CLVS1: variants seen among roughly 807,000 people sequenced by gnomAD.
CLVS1 encodes the protein clavesin-1.
In CLVS1, 10 loss-of-function variants were observed where a neutral mutation model predicts 33.1. The ratio of observed to expected loss-of-function variants is 0.30; its 90% CI spans 0.19 to 0.51. The LOEUF (loss-of-function observed/expected upper bound fraction) is 0.51, where lower values mean the gene tolerates loss of function less well. Among genes scored for constraint, CLVS1 ranks in the 20% least tolerant of loss-of-function variants. CLVS1 has a pLI of 0.97. For synonymous variants in CLVS1, 163 were observed against 166.1 expected (o/e 0.98, Z 0.14); for missense variants, 343 against 433.4 (o/e 0.79, Z 1.85).
At chr8:61,266,293 CTTTTTT>C in intron 2 of CLVS1, among the ~76,000 whole-genome samples, 1 of 139,104 alleles carries the variant, frequency 7.2e-6, no homozygotes, top group East Asian at 2.1e-4. Flanking sequence ...AATTTTCTTT[CTTTTTT>C]TTTTTTTTTT....
At chr8:61,122,095 C>A (rs996664144) in intron 1 of CLVS1, among the ~76,000 whole-genome samples, 2 of 152,202 alleles carry the variant, frequency 1.3e-5, no homozygotes, top group Non-Finnish European at 2.9e-5. Flanking sequence ...GGATCTAAAG[C>A]CACTTTCTTC....
chr8:61,058,878 A>G (rs532987622), intron 1 of CLVS1, among the ~76,000 whole-genome samples: 17 of 152,186 alleles, frequency 1.1e-4, no homozygotes, highest in Admixed American at 3.3e-4. Context: ...TCAAAAGTTC[A>G]TTCCTTTTAA....
chr8:61,020,793 G>T, the CLVS1 span, among the ~76,000 whole-genome samples: 1 of 152,228 alleles, frequency 6.6e-6, no homozygotes, highest in Non-Finnish European at 1.5e-5. Context: ...TGCAATGGAT[G>T]AATGAATTTA....
chr8:61,338,893 G>A (rs1028740479), intron 2 of CLVS1, among the ~76,000 whole-genome samples: 5 of 152,240 alleles, frequency 3.3e-5, no homozygotes, highest in Middle Eastern at 3.4e-3. Flanking sequence ...CAGTGGCAAC[G>A]CATGGACTAA....
chr8:61,405,848 T>C (rs763441808), intron 3 of CLVS1, among the ~76,000 whole-genome samples: 20 of 152,108 alleles, frequency 1.3e-4, no homozygotes, highest in African/African-American at 4.3e-4. Context: ...AATATCATTA[T>C]GAAGATAGTT....
chr8:61,371,177 C>A (rs560809677), intron 2 of CLVS1, among the ~76,000 whole-genome samples: 2 of 152,246 alleles, frequency 1.3e-5, no homozygotes, highest in Admixed American at 6.5e-5. Context: ...TTGATTATGG[C>A]CATTCTTGCA....
the CLVS1 span, among the ~76,000 whole-genome samples, chr8:60,981,188 A>T: frequency 6.6e-6 from 1 of 152,234 alleles, no homozygotes; most frequent in South Asian, 2.1e-4. Context: ...GGAACAAAAA[A>T]CTTAGGTCCC....
intron 2 of CLVS1, among the ~76,000 whole-genome samples, chr8:61,241,353 A>G (rs930863159): frequency 6.6e-6 from 1 of 152,168 alleles, no homozygotes; most frequent in Non-Finnish European, 1.5e-5. Context: ...CAAATTTTCA[A>G]CCATCCTTGC....
intron 3 of CLVS1, among the ~76,000 whole-genome samples, chr8:61,441,737 A>G (rs1816555621): frequency 6.6e-6 from 1 of 152,132 alleles, no homozygotes; most frequent in East Asian, 1.9e-4. Flanking sequence ...TTGCTCCTGA[A>G]CTCTGATTGA....
intron 2 of CLVS1, among the ~76,000 whole-genome samples, chr8:61,211,773 T>C (rs1242050960): frequency 6.6e-6 from 1 of 152,186 alleles, no homozygotes; most frequent in Non-Finnish European, 1.5e-5. Flanking sequence ...AGGGAGGTTA[T>C]CCTAGAATAC....
intron 2 of CLVS1, among the ~76,000 whole-genome samples, chr8:61,249,818 C>G (rs557265750): frequency 1.1e-4 from 17 of 152,212 alleles, no homozygotes; most frequent in Non-Finnish European, 2.2e-4. Flanking sequence ...GATATTAACC[C>G]TTTGTCAGAT....
intron 2 of CLVS1, among the ~76,000 whole-genome samples, chr8:61,340,883 G>A (rs1449738259): frequency 6.6e-6 from 1 of 152,086 alleles, no homozygotes; most frequent in Non-Finnish European, 1.5e-5. Context: ...CTTTTTAATT[G>A]GTTCAATAAT....
chr8:61,244,379 G>A (rs1037390926), intron 2 of CLVS1, among the ~76,000 whole-genome samples: 1 of 152,092 alleles, frequency 6.6e-6, no homozygotes, highest in Non-Finnish European at 1.5e-5. Context: ...TTAGAAAGTT[G>A]TCTTGTTTTA....
chr8:61,418,392 AC>A (rs1285548948), intron 3 of CLVS1, among the ~76,000 whole-genome samples: 3 of 151,964 alleles, frequency 2.0e-5, no homozygotes, highest in Non-Finnish European at 4.4e-5. Context: ...TGCTTTTTTT[AC>A]CTAATGAATC....
In CLVS1 at chr8:61,269,858, G is replaced by C. The variant is rs1391195735; in HGVS notation, c.-151-29819G>C. On this transcript the variant is annotated intron_variant, in intron 2 of 2. Coordinates refer to the CLVS1 transcript ENST00000522621. ...AGAATGCTTGTGATTTTTGTACATT[G>C]ATTTTGTATCCTGAGACTTTGCTGA... Among the ~76,000 whole-genome samples the C allele has an allele frequency of 8.1e-3, 1,219 of 150,534 alleles. 16 individuals carry two copies. The highest frequency in any genetic ancestry group is 0.028 in the African/African-American group (1,139 of 40,736).
upstream of CLVS1, among the ~76,000 whole-genome samples, chr8:61,052,890 C>T (rs28758528): frequency 0.57 from 86,143 of 151,924 alleles, 25,672 homozygotes; most frequent in African/African-American, 0.74. Context: ...GGGTGCCTGG[C>T]TGGGAGGCGG....
At chr8:61,178,631 A>C (rs569658649) in intron 2 of CLVS1, among the ~76,000 whole-genome samples, 64 of 152,364 alleles carry the variant, frequency 4.2e-4, no homozygotes, top group Admixed American at 1.9e-3. Context: ...GAAGCCCATC[A>C]GAGTAACAGC....
chr8:61,299,664 A>G lies in CLVS1; in HGVS notation c.-151-13A>G. ...TCTCTCTTCTGTTTCTTTTGTGTGT[A>G]TTTGTTTTTCAGTAAGCAATGGCCT... On this transcript the variant is annotated splice_polypyrimidine_tract_variant and intron_variant, in intron 1 of 5. Transcript: ENST00000325897. The G allele has an allele frequency of 1.7e-6, 1 of 584,162 alleles. No individual in the cohort carries two copies. Among genetic ancestry groups the G allele is most frequent in the Non-Finnish European group, 3.0e-6 (1 of 330,954 alleles). The allele number at this position is 584,162 out of a possible 1,614,324, so 36.2% of individuals were successfully genotyped here.
intron 4 of CLVS1, among the ~76,000 whole-genome samples, chr8:61,457,792 G>A (rs1026179977): frequency 3.3e-5 from 5 of 152,106 alleles, no homozygotes; most frequent in African/African-American, 9.7e-5. Flanking sequence ...AACAGAAGTC[G>A]GCAGTCAGCA....
Sources: gnomAD v4.1 joint callset for allele counts (sites outside exome capture counted in the v4.1 genomes callset) on GRCh38, gnomAD v4.1.1 for gene constraint, MANE v1.5 for transcripts, NCBI Gene and HGNC (gene_info 2026-07-23, HGNC 2026-07-21) for gene names.